Variants in GALNTL6 observed in about 807,000 individuals in gnomAD.
The protein encoded by GALNTL6 is polypeptide N-acetylgalactosaminyltransferase-like 6.
In GALNTL6, 46 loss-of-function variants were observed where a neutral mutation model predicts 73.7. That is an observed-to-expected ratio of 0.62 (90% CI 0.49 to 0.80). The LOEUF (loss-of-function observed/expected upper bound fraction) is 0.80. Among genes scored for constraint, GALNTL6 ranks in the 30% least tolerant of loss-of-function variants. The probability of loss-of-function intolerance (pLI) is 0.00; values close to 1 mark genes in which losing one functional copy is unlikely to be tolerated. For synonymous variants in GALNTL6, 259 were observed against 263.7 expected (o/e 0.98, Z 0.17); for missense variants, 604 against 755.0 (o/e 0.80, Z 2.34).
At chr4:172,258,097 C>T (rs989756393) in intron 3 of GALNTL6, among the ~76,000 whole-genome samples, 7 of 151,282 alleles carry the variant, frequency 4.6e-5, no homozygotes, top group Admixed American at 4.0e-4. Context: ...TGAATCAATG[C>T]ACTTTCCTTG....
chr4:172,407,986 T>C (rs1324059857), intron 5 of GALNTL6, among the ~76,000 whole-genome samples: 1 of 152,078 alleles, frequency 6.6e-6, no homozygotes, highest in Non-Finnish European at 1.5e-5. Flanking sequence ...AAAAGGATTA[T>C]TGAAACGGTG....
At chr4:172,401,916 A>G (rs1429514182) in intron 5 of GALNTL6, among the ~76,000 whole-genome samples, 102 of 114,500 alleles carry the variant, frequency 8.9e-4, no homozygotes, top group Middle Eastern at 9.2e-3. Context: ...AGAGAGAGAG[A>G]GGGGGAGAGA....
intron 2 of GALNTL6, among the ~76,000 whole-genome samples, chr4:171,948,852 T>C (rs1314624409): frequency 6.6e-6 from 1 of 152,008 alleles, no homozygotes; most frequent in Non-Finnish European, 1.5e-5. Context: ...TGTTAGCAAA[T>C]GATGCCCAGC....
chr4:172,220,143 A>G (rs1560975591), intron 2 of GALNTL6, among the ~76,000 whole-genome samples: 1 of 151,738 alleles, frequency 6.6e-6, no homozygotes, highest in African/African-American at 2.4e-5. Context: ...TGAAGGTAAC[A>G]TCGTATAGTT....
intron 5 of GALNTL6, among the ~76,000 whole-genome samples, chr4:172,371,768 T>A (rs1490967894): frequency 1.3e-5 from 2 of 152,118 alleles, no homozygotes; most frequent in Admixed American, 6.6e-5. Context: ...TACTGGTCTT[T>A]CCCTGCCTCT....
chr4:171,821,155 C>G (rs1337063407), intron 2 of GALNTL6, among the ~76,000 whole-genome samples: 1 of 152,076 alleles, frequency 6.6e-6, no homozygotes, highest in Non-Finnish European at 1.5e-5. Flanking sequence ...CCTGCCTCAG[C>G]CTTCCAAGTA....
intron 5 of GALNTL6, among the ~76,000 whole-genome samples, chr4:172,437,612 TAAGAAATAGTACAG>T (rs1378331611): frequency 6.6e-6 from 1 of 152,162 alleles, no homozygotes; most frequent in Non-Finnish European, 1.5e-5. Flanking sequence ...TTTGTGCTGT[TAAGAAATAGTACAG>T]ATATCTCCTC....
chr4:172,835,936 A>G (rs1437478961), intron 7 of GALNTL6, among the ~76,000 whole-genome samples: 1 of 152,212 alleles, frequency 6.6e-6, no homozygotes, highest in East Asian at 1.9e-4. Context: ...AAGGCCAGCC[A>G]TGCTCTATGA....
At chr4:171,840,212 G>T (rs1735203939) in intron 2 of GALNTL6, among the ~76,000 whole-genome samples, 1 of 152,068 alleles carries the variant, frequency 6.6e-6, no homozygotes, top group African/African-American at 2.4e-5. Context: ...TATAATCTTG[G>T]CCCTACTATA....
chr4:172,230,504 C>A (rs958519465), intron 3 of GALNTL6, among the ~76,000 whole-genome samples: 1 of 151,014 alleles, frequency 6.6e-6, no homozygotes, highest in African/African-American at 2.4e-5. Flanking sequence ...GGAGAATGGC[C>A]CGGGGGGTGG....
chr4:172,321,119 A>G (rs1315788991), intron 4 of GALNTL6, among the ~76,000 whole-genome samples: 2 of 152,210 alleles, frequency 1.3e-5, no homozygotes, highest in African/African-American at 4.8e-5. Flanking sequence ...TGCCAGATTT[A>G]TAAATTAAAC....
chr4:172,242,438 T>G (rs1737469932), intron 3 of GALNTL6, among the ~76,000 whole-genome samples: 2 of 152,192 alleles, frequency 1.3e-5, no homozygotes, highest in Admixed American at 1.3e-4. Context: ...CTTTTTATTT[T>G]AACTCAAAAT....
chr4:171,861,336 A>G (rs1253192682), intron 2 of GALNTL6, among the ~76,000 whole-genome samples: 3 of 152,216 alleles, frequency 2.0e-5, no homozygotes, highest in Non-Finnish European at 4.4e-5. Context: ...AGGCCAGTCC[A>G]GTTAACAGTT....
rs1303166187 is a variant in GALNTL6 at position 172,591,398 on chromosome 4, G to A, written c.554-217963G>A. Among the ~76,000 whole-genome samples, 4 of 135,608 alleles carry A rather than the reference G, an allele frequency of 2.9e-5. No homozygotes were observed. In the East Asian group the frequency reaches 7.6e-4, roughly 26 times the overall value. The allele number at this position is 135,608 out of a possible 152,430, so 89.0% of individuals were successfully genotyped here. On this transcript the variant is annotated intron_variant, in intron 5 of 12. Coordinates refer to ENST00000506823, the MANE Select transcript of GALNTL6 (RefSeq NM_001034845.3). ...CAACCAGATATGTTCCCATTAGTAAGTTTCTTTTGAAACGCATAATTAGTA... is the reference window on the plus strand; with the variant it reads ...CAACCAGATATGTTCCCATTAGTAAATTTCTTTTGAAACGCATAATTAGTA...
chr4:172,471,055 C>A (rs1467829963), intron 5 of GALNTL6, among the ~76,000 whole-genome samples: 2 of 152,178 alleles, frequency 1.3e-5, no homozygotes, highest in African/African-American at 2.4e-5. Context: ...CAACTATAGT[C>A]ATTTCCTCTA....
intron 6 of GALNTL6, among the ~76,000 whole-genome samples, chr4:172,810,087 T>C (rs966398060): frequency 2.0e-5 from 3 of 152,058 alleles, no homozygotes; most frequent in Non-Finnish European, 2.9e-5. Flanking sequence ...TCTCCACTTC[T>C]GGCACCATCC....
At chr4:172,558,639 G>T (rs1044634628) in intron 5 of GALNTL6, among the ~76,000 whole-genome samples, 3 of 152,100 alleles carry the variant, frequency 2.0e-5, no homozygotes, top group Non-Finnish European at 4.4e-5. Context: ...CATTTATGTT[G>T]TTTAAGCCAC....
chr4:171,883,982 A>G (rs1210746760), intron 2 of GALNTL6, among the ~76,000 whole-genome samples: 1 of 152,144 alleles, frequency 6.6e-6, no homozygotes, highest in African/African-American at 2.4e-5. Flanking sequence ...TCAATGTTCA[A>G]TCTCTCACAA....
chr4:171,913,479 T>C (rs890103881), intron 2 of GALNTL6, among the ~76,000 whole-genome samples: 35 of 152,222 alleles, frequency 2.3e-4, no homozygotes, highest in Non-Finnish European at 8.8e-5. Context: ...TTGACACTTA[T>C]GGCTAAAATG....
Sources: gnomAD v4.1 joint callset for allele counts (sites outside exome capture counted in the v4.1 genomes callset) on GRCh38, gnomAD v4.1.1 for gene constraint, MANE v1.5 for transcripts, NCBI Gene and HGNC (gene_info 2026-07-23, HGNC 2026-07-21) for gene names.